HIGD1C: variants seen among roughly 807,000 people sequenced by gnomAD.
HIGD1C encodes HIG1 hypoxia inducible domain family member 1C.
A neutral mutation model predicts 13.1 loss-of-function variants in HIGD1C; 11 were observed. The ratio of observed to expected loss-of-function variants is 0.84; its 90% CI spans 0.53 to 1.39. The LOEUF is 1.39. HIGD1C is among the 40% of genes most tolerant of loss of function. The pLI is 0.00. For missense variants in HIGD1C, 110 were observed against 112.0 expected (o/e 0.98, Z 0.08); for synonymous variants, 36 against 37.7 (o/e 0.95, Z 0.17).
At chr12:50,958,025 C>T (rs965197010) in intron 1 of HIGD1C, among the ~76,000 whole-genome samples, 6 of 147,810 alleles carry the variant, frequency 4.1e-5, no homozygotes, top group Non-Finnish European at 7.4e-5. Flanking sequence ...AGGCTGGTCC[C>T]GAACTTCTGA....
chr12:50,960,503 G>A (rs1288330132), intron 1 of HIGD1C, among the ~76,000 whole-genome samples: 1 of 152,156 alleles, frequency 6.6e-6, no homozygotes, highest in African/African-American at 2.4e-5. Context: ...TGCAAATACT[G>A]GACTCAAGAA....
upstream of HIGD1C, among the ~76,000 whole-genome samples, chr12:50,951,280 T>C (rs1228059782): frequency 6.6e-6 from 1 of 152,158 alleles, no homozygotes; most frequent in Non-Finnish European, 1.5e-5. Context: ...TTTCCCAACT[T>C]TGTGTTCCGT....
intron 2 of HIGD1C, among the ~76,000 whole-genome samples, chr12:50,969,917 G>T (rs1939700489): frequency 6.6e-6 from 1 of 152,016 alleles, no homozygotes; most frequent in African/African-American, 2.4e-5. Context: ...ACTCATTAAA[G>T]CAGCTCCTCT....
At chr12:50,937,213 G>A in the HIGD1C span, among the ~76,000 whole-genome samples, 2,400 of 152,250 alleles carry the variant, frequency 0.016, 69 homozygotes, top group East Asian at 0.079. Context: ...TCCACCCTGG[G>A]CTTGCCGCAG....
intron 2 of HIGD1C, among the ~76,000 whole-genome samples, chr12:50,963,762 G>A (rs1032157457): frequency 6.6e-6 from 1 of 152,170 alleles, no homozygotes; most frequent in Non-Finnish European, 1.5e-5. Context: ...ATCTCATACA[G>A]GATGTCTCTT....
chr12:50,940,392 G>A, the HIGD1C span, among the ~76,000 whole-genome samples: 177 of 152,246 alleles, frequency 1.2e-3, 1 homozygote, highest in African/African-American at 4.1e-3. Flanking sequence ...GTCCACTGAA[G>A]TTTAGAAATA....
At chr12:50,966,335 C>T (rs915766215) in intron 2 of HIGD1C, among the ~76,000 whole-genome samples, 2 of 152,210 alleles carry the variant, frequency 1.3e-5, no homozygotes, top group Admixed American at 1.3e-4. Flanking sequence ...TTTACTCTAA[C>T]ATACCAATCT....
the HIGD1C span, among the ~76,000 whole-genome samples, chr12:50,943,763 C>A: frequency 6.6e-6 from 1 of 152,058 alleles, no homozygotes; most frequent in Admixed American, 6.6e-5. Context: ...TCCCACAGGC[C>A]CATGCTTCTA....
At chr12:50,949,701 T>C (rs1404744760), upstream of HIGD1C, among the ~76,000 whole-genome samples, 1 of 151,836 alleles carries the variant, frequency 6.6e-6, no homozygotes, top group Non-Finnish European at 1.5e-5. Context: ...ACCTGGCTAA[T>C]CTTTGTATTT....
intron 2 of HIGD1C, among the ~76,000 whole-genome samples, chr12:50,970,186 C>T (rs1299283804): frequency 6.6e-6 from 1 of 152,206 alleles, no homozygotes; most frequent in East Asian, 1.9e-4. Flanking sequence ...ACTTTCCTAA[C>T]ATTTCACCAA....
intron 1 of HIGD1C, among the ~76,000 whole-genome samples, chr12:50,954,769 T>C (rs1031535336): frequency 6.6e-6 from 1 of 152,088 alleles, no homozygotes; most frequent in African/African-American, 2.4e-5. Context: ...AACTTCTGCA[T>C]CTAATGTTTT....
At chr12:50,964,889 T>C (rs1352587965) in intron 2 of HIGD1C, among the ~76,000 whole-genome samples, 1 of 152,200 alleles carries the variant, frequency 6.6e-6, no homozygotes, top group Non-Finnish European at 1.5e-5. Flanking sequence ...CACTCTGGTA[T>C]CTTTTTTCAA....
upstream of HIGD1C, among the ~76,000 whole-genome samples, chr12:50,953,581 A>G (rs1264977591): frequency 6.6e-6 from 1 of 152,206 alleles, no homozygotes; most frequent in African/African-American, 2.4e-5. Context: ...ATCTGGAAGT[A>G]TTTTTGCCTA....
the HIGD1C span, among the ~76,000 whole-genome samples, chr12:50,945,534 G>A: frequency 6.6e-6 from 1 of 152,136 alleles, no homozygotes; most frequent in Non-Finnish European, 1.5e-5. Flanking sequence ...GGATGTGAAG[G>A]ACCTCTCCAA....
At position 50,964,105 on chromosome 12, in the gene HIGD1C, ACTT is replaced by A. The variant is rs547147538; in HGVS notation, c.229+3007_229+3009del. On this transcript the variant is annotated intron_variant, in intron 2 of 2. Transcript: ENST00000398455. ...AGATATAAGGTTGAATCCTATTAACACTTCTTATGTTAGATGATAGGTAAATGG... is the reference window on the plus strand; with the variant it reads ...AGATATAAGGTTGAATCCTATTAACACTTATGTTAGATGATAGGTAAATGG... 1.7e-3 allele frequency among the ~76,000 whole-genome samples: 256 copies of A among 152,268 alleles called. 1 individual carries two copies. Among genetic ancestry groups the A allele is most frequent in the South Asian group, 0.011 (55 of 4,820 alleles).
At chr12:50,955,574 A>G (rs781725527) in intron 1 of HIGD1C, among the ~76,000 whole-genome samples, 13 of 152,210 alleles carry the variant, frequency 8.5e-5, no homozygotes, top group Non-Finnish European at 1.8e-4. Context: ...AAACTTCTAA[A>G]TAGGTATGTC....
intron 1 of HIGD1C, among the ~76,000 whole-genome samples, chr12:50,955,483 G>A (rs1395782712): frequency 6.6e-6 from 1 of 152,050 alleles, no homozygotes; most frequent in Non-Finnish European, 1.5e-5. Context: ...CTGTTTCCTT[G>A]TGTTCATTTT....
At chr12:50,939,630 A>T in the HIGD1C span, among the ~76,000 whole-genome samples, 2 of 152,210 alleles carry the variant, frequency 1.3e-5, no homozygotes, top group African/African-American at 4.8e-5. Context: ...ATTTGAATCC[A>T]GATCTCATCA....
At chr12:50,945,371 G>A in the HIGD1C span, among the ~76,000 whole-genome samples, 1 of 152,170 alleles carries the variant, frequency 6.6e-6, no homozygotes, top group East Asian at 1.9e-4. Context: ...AAGCTGATAA[G>A]CAACTTCAGC....
Sources: gnomAD v4.1 joint callset for allele counts (sites outside exome capture counted in the v4.1 genomes callset) on GRCh38, gnomAD v4.1.1 for gene constraint, MANE v1.5 for transcripts, NCBI Gene and HGNC (gene_info 2026-07-23, HGNC 2026-07-21) for gene names.